The following CCDC85C variants were observed in gnomAD, a reference collection of about 807,000 sequenced individuals.
CCDC85C encodes coiled-coil domain-containing protein 85C.
Under a neutral mutation model 38.3 loss-of-function variants are expected in CCDC85C, and 18 were observed. The ratio of observed to expected loss-of-function variants is 0.47; its 90% CI spans 0.33 to 0.70. CCDC85C has a LOEUF of 0.70. Ranked by LOEUF, CCDC85C falls within the 30% of genes least tolerant of loss-of-function variation. The probability of loss-of-function intolerance (pLI) is 0.03; values close to 1 mark genes in which losing one functional copy is unlikely to be tolerated. For missense variants in CCDC85C, 566 were observed against 621.2 expected, an observed-to-expected ratio of 0.91 and a Z score of 0.94; for synonymous variants, 264 against 293.8, an observed-to-expected ratio of 0.90 and a Z score of 1.04.
Position 99,501,813 on chromosome 14 carries a change from G to A in CCDC85C, c.*13433C>T, listed in dbSNP as rs1214142598. On this transcript the variant is annotated 3_prime_UTR_variant, in exon 6 of 6. Coordinates refer to ENST00000380243, the MANE Select transcript of CCDC85C (RefSeq NM_001144995.2). ...GGCCGTGGTGGGAAACAGAATGCCTGTGAATGGAGTTGCTGCCAGCCCCAT... is the reference window on the plus strand; with the variant it reads ...GGCCGTGGTGGGAAACAGAATGCCTATGAATGGAGTTGCTGCCAGCCCCAT... 3 of 232,660 alleles carry A rather than the reference G, an allele frequency of 1.3e-5. No individual in the cohort carries two copies. The highest frequency in any genetic ancestry group is 1.1e-4 in the East Asian group (1 of 8,804). The allele number at this position is 232,660 out of a possible 1,614,324, so 14.4% of individuals were successfully genotyped here. A position where few individuals can be genotyped will look rare whatever the true frequency, so the allele number is the denominator to read the frequency against.
At position 99,576,772 on chromosome 14, in the gene CCDC85C, C is replaced by T. The variant is rs545093468; in HGVS notation, c.793+26395G>A. ...TTACAATCTTCCTACCCATGACACC[C>T]TGGGGATTCAGAGGGTGGAACGGAC... On this transcript the variant is annotated intron_variant, in intron 1 of 5. Coordinates refer to ENST00000380243, the MANE Select transcript of CCDC85C (RefSeq NM_001144995.2). This position sits in a 1 kb window ranked among gnomAD's most constrained non-coding sequence, Gnocchi z 4.8. Among the ~76,000 whole-genome samples the T allele has an allele frequency of 1.3e-5, 2 of 152,292 alleles. No individual in the cohort carries two copies. Among genetic ancestry groups the T allele is most frequent in the Admixed American group, 6.5e-5 (1 of 15,310 alleles).
At chr14:99,594,703 C>T (rs2055124495) in intron 1 of CCDC85C, among the ~76,000 whole-genome samples, 1 of 152,162 alleles carries the variant, frequency 6.6e-6, no homozygotes, top group Non-Finnish European at 1.5e-5. Context: ...ACTCTCAGCT[C>T]AGCCCATCCA....
At chr14:99,524,420 C>T (rs148371725) in intron 2 of CCDC85C, among the ~76,000 whole-genome samples, 1,735 of 151,880 alleles carry the variant, frequency 0.011, 18 homozygotes, top group Non-Finnish European at 0.016. Context: ...TTTGTGCTGC[C>T]GTCCCCTCCC....
intron 2 of CCDC85C, among the ~76,000 whole-genome samples, chr14:99,526,246 G>A (rs1897381188): frequency 6.6e-6 from 1 of 152,224 alleles, no homozygotes; most frequent in South Asian, 2.1e-4. Context: ...CGTCTGCAGG[G>A]AGGGGCCTAC....
intron 1 of CCDC85C, among the ~76,000 whole-genome samples, chr14:99,577,346 C>T (rs17095107): frequency 2.7e-5 from 4 of 147,378 alleles, no homozygotes; most frequent in South Asian, 2.2e-4. Flanking sequence ...AGAGGGCTGA[C>T]GGCGTGTCCA....
chr14:99,516,308 G>C lies in CCDC85C; in HGVS notation c.1072-22C>G. 1 of 1,532,040 alleles carries C rather than the reference G, an allele frequency of 6.5e-7. No homozygotes were observed. Among genetic ancestry groups the C allele is most frequent in the Non-Finnish European group, 8.8e-7 (1 of 1,130,064 alleles). 94.9% of individuals were successfully genotyped at this position (1,532,040 alleles called of 1,614,324 possible). On this transcript the variant is annotated intron_variant, in intron 4 of 5. Transcript: ENST00000380243. This position sits in a 1 kb window ranked among gnomAD's most constrained non-coding sequence, Gnocchi z 5.5. The stretch of plus-strand genomic sequence containing the variant: ...GGACCTGAAGGGAACGGGTCTCGGG[G>C]TCAGGGGCAGAGGCCACCGGCAGAC...
chr14:99,584,815 G>T lies in CCDC85C; in HGVS notation c.793+18352C>A, dbSNP rs182910752. On this transcript the variant is annotated intron_variant, in intron 1 of 5. Transcript: ENST00000380243. ...TCCAAATAAGAACTGCCTTGGGGCTGGGCGCAGTGGACGCTGTAATCCCAG... is the reference window on the plus strand; with the variant it reads ...TCCAAATAAGAACTGCCTTGGGGCTTGGCGCAGTGGACGCTGTAATCCCAG... 4.6e-5 allele frequency among the ~76,000 whole-genome samples: 7 copies of T among 152,374 alleles called. No homozygotes were observed. In the East Asian group the frequency reaches 1.2e-3, roughly 25 times the overall value.
rs1896845879 is a variant in CCDC85C at position 99,502,125 on chromosome 14, T to C, written c.*13121A>G. The C allele has an allele frequency of 7.3e-7, 1 of 1,376,356 alleles. No individual in the cohort carries two copies. The highest frequency in any genetic ancestry group is 1.5e-5 in the African/African-American group (1 of 67,618). 85.3% of individuals were successfully genotyped at this position (1,376,356 alleles called of 1,614,324 possible). ...TAGGGGAGAATAAGCAAATTAATGG[T>C]TAGTTATGGCATCTCCATGCACTGG... is the stretch of plus-strand genomic sequence containing the variant. On this transcript the variant is annotated 3_prime_UTR_variant, in exon 6 of 6. Coordinates refer to ENST00000380243, the MANE Select transcript of CCDC85C (RefSeq NM_001144995.2).
rs192406820 is a variant in CCDC85C, at chr14:99,579,700, C to T, written c.793+23467G>A. On this transcript the variant is annotated intron_variant, in intron 1 of 5. Coordinates refer to ENST00000380243, the MANE Select transcript of CCDC85C (RefSeq NM_001144995.2). ...ATGGTCAGCTCCCTGGGGGAGGCAG[C>T]GGGAGGCAGGGGCAGGCCTGGGGGA... Among the ~76,000 whole-genome samples the T allele has an allele frequency of 2.5e-4, 38 of 151,942 alleles. No homozygotes were observed. The East Asian group carries it at 4.1e-3, about 16-fold the overall frequency.
chr14:99,599,577 C>T (rs1282159233), intron 1 of CCDC85C, among the ~76,000 whole-genome samples: 1 of 152,176 alleles, frequency 6.6e-6, no homozygotes. Flanking sequence ...GTCCAGTCAG[C>T]CCAGACCAGA....
At chr14:99,600,545 G>C (rs745775185) in intron 1 of CCDC85C, among the ~76,000 whole-genome samples, 1 of 152,174 alleles carries the variant, frequency 6.6e-6, no homozygotes, top group African/African-American at 2.4e-5. Context: ...CATGACAACA[G>C]ACCAAGGGCA....
rs1161456093 is a variant in CCDC85C at position 99,513,311 on chromosome 14, A to G, written c.*1935T>C. ...CTACTCTGCGGTTCTTTGGACTGCA[A>G]GACCCAGAGGGGCCTCTGCTCAGCT... On this transcript the variant is annotated 3_prime_UTR_variant, in exon 6 of 6. Coordinates refer to ENST00000380243, the MANE Select transcript of CCDC85C (RefSeq NM_001144995.2). The G allele has an allele frequency of 1.3e-5, 2 of 152,244 alleles. No individual in the cohort carries two copies. Among genetic ancestry groups the G allele is most frequent in the Non-Finnish European group, 2.9e-5 (2 of 68,036 alleles). The allele number at this position is 152,244 out of a possible 1,614,324, so 9.4% of individuals were successfully genotyped here. A position where few individuals can be genotyped will look rare whatever the true frequency, so the allele number is the denominator to read the frequency against.
rs968964424 is a variant in CCDC85C at position 99,569,718 on chromosome 14, C to A, written c.793+33449G>T. ...TAGTTCTTTGCACCTCTGCTTCCCC[C>A]CAACATGTCACACACCCCACATTTC... is the stretch of plus-strand genomic sequence containing the variant. On this transcript the variant is annotated intron_variant, in intron 1 of 5. Coordinates refer to ENST00000380243, the MANE Select transcript of CCDC85C (RefSeq NM_001144995.2). This position sits in a 1 kb window ranked among gnomAD's most constrained non-coding sequence, Gnocchi z 4.3. 2.0e-5 allele frequency among the ~76,000 whole-genome samples: 3 copies of A among 152,182 alleles called. No individual in the cohort carries two copies. Among genetic ancestry groups the A allele is most frequent in the Non-Finnish European group, 4.4e-5 (3 of 68,030 alleles).
chr14:99,571,345 G>GTAATAATAATAATAATAA (rs3070433), intron 1 of CCDC85C, among the ~76,000 whole-genome samples: 125 of 149,964 alleles, frequency 8.3e-4, no homozygotes, highest in African/African-American at 2.9e-3. Context: ...AGTAGTAGTA[G>GTAATAATAATAATAATAA]TAATAATAAT....
At position 99,544,947 on chromosome 14, in the gene CCDC85C, G is replaced by A. The variant is rs2139930171; in HGVS notation, c.794-8859C>T. 6.6e-6 allele frequency among the ~76,000 whole-genome samples: 1 copy of A among 152,222 alleles called. No individual in the cohort carries two copies. The highest frequency in any genetic ancestry group is 1.9e-4 in the East Asian group (1 of 5,176). ...ATGCATGCAAAAACGGAGCTGCCAT[G>A]ACCGGAGCCCCACACTCTCCATCTC... On this transcript the variant is annotated intron_variant, in intron 1 of 5. Coordinates refer to ENST00000380243, the MANE Select transcript of CCDC85C (RefSeq NM_001144995.2). The surrounding 1 kb of genome is among the most constrained non-coding windows in gnomAD (Gnocchi z 5.3).
At chr14:99,601,744 G>A (rs1253060109) in intron 1 of CCDC85C, among the ~76,000 whole-genome samples, 1 of 152,154 alleles carries the variant, frequency 6.6e-6, no homozygotes, top group East Asian at 1.9e-4. Flanking sequence ...TGGGAGGTGG[G>A]GGTGGATACA....
At chr14:99,600,490 A>G (rs2055187424) in intron 1 of CCDC85C, among the ~76,000 whole-genome samples, 1 of 152,232 alleles carries the variant, frequency 6.6e-6, no homozygotes, top group African/African-American at 2.4e-5. Flanking sequence ...TCAGGAATCA[A>G]GAATAGGGAG....
rs772780808 is a variant in CCDC85C, at chr14:99,603,145, G to A, written c.793+22C>T. On this transcript the variant is annotated intron_variant, in intron 1 of 5. Coordinates refer to ENST00000380243, the MANE Select transcript of CCDC85C (RefSeq NM_001144995.2). This position sits in a 1 kb window ranked among gnomAD's most constrained non-coding sequence, Gnocchi z 7.5. ...GGCTGCAGCCAGGGAGACCCGCGCT[G>A]CCCGGCCCGTGTAGTCCTTACCGTG... 5.3e-6 allele frequency: 7 copies of A among 1,312,070 alleles called. No individual in the cohort carries two copies. The South Asian group carries it at 1.2e-4, about 23-fold the overall frequency. 81.3% of individuals were successfully genotyped at this position (1,312,070 alleles called of 1,614,324 possible). A position where few individuals can be genotyped will look rare whatever the true frequency, so the allele number is the denominator to read the frequency against.
In CCDC85C at chr14:99,516,305, G is replaced by C. The variant is rs1424844508; in HGVS notation, c.1072-19C>G. 6.5e-7 allele frequency: 1 copy of C among 1,535,894 alleles called. No homozygotes were observed. Among genetic ancestry groups the C allele is most frequent in the African/African-American group, 1.4e-5 (1 of 72,758 alleles). ...CCAGGACCTGAAGGGAACGGGTCTC[G>C]GGGTCAGGGGCAGAGGCCACCGGCA... is the stretch of plus-strand genomic sequence containing the variant. On this transcript the variant is annotated intron_variant, in intron 4 of 5. Coordinates refer to ENST00000380243, the MANE Select transcript of CCDC85C (RefSeq NM_001144995.2). The surrounding 1 kb of genome is among the most constrained non-coding windows in gnomAD (Gnocchi z 5.5).
Sources: gnomAD v4.1 joint callset for allele counts (sites outside exome capture counted in the v4.1 genomes callset) on GRCh38, gnomAD v4.1.1 for gene constraint, Gnocchi (gnomAD v3.1) non-coding constraint, MANE v1.5 for transcripts, NCBI Gene and HGNC (gene_info 2026-07-23, HGNC 2026-07-21) for gene names.